The following CLVS1 variants were observed in gnomAD, a reference collection of about 807,000 sequenced individuals.
The protein encoded by CLVS1 is clavesin-1.
CLVS1 carries 10 observed loss-of-function variants against 33.1 expected under a neutral mutation model. The observed-to-expected ratio is 0.30, with a 90% CI of 0.19 to 0.51. CLVS1 has a LOEUF of 0.51. Among genes scored for constraint, CLVS1 ranks in the 20% least tolerant of loss-of-function variants. The probability of loss-of-function intolerance (pLI) is 0.97; values close to 1 mark genes in which losing one functional copy is unlikely to be tolerated. For missense variants in CLVS1, 343 were observed against 433.4 expected, an observed-to-expected ratio of 0.79 and a Z score of 1.85; for synonymous variants, 163 against 166.1, an observed-to-expected ratio of 0.98 and a Z score of 0.14.
At position 61,417,098 on chromosome 8, in the gene CLVS1, G is replaced by T. The variant is rs565842355; in HGVS notation, c.631-37043G>T. Among the ~76,000 whole-genome samples the T allele has an allele frequency of 8.5e-5, 13 of 152,296 alleles. No homozygotes were observed. The South Asian group carries it at 2.7e-3, about 32-fold the overall frequency. On this transcript the variant is annotated intron_variant, in intron 3 of 5. Coordinates refer to ENST00000325897, the MANE Select transcript of CLVS1 (RefSeq NM_173519.3). ...CATAAGGAGACAGAGAATGACAAAA[G>T]AGATGGGGAAGACAGGCAGGATGAG...
intron 5 of CLVS1, among the ~76,000 whole-genome samples, chr8:61,486,118 T>C (rs1272731758): frequency 6.6e-6 from 1 of 151,456 alleles, no homozygotes; most frequent in East Asian, 1.9e-4. Context: ...AATAAATAAA[T>C]AAATAAATAA....
At chr8:61,426,484 C>T (rs1277593766) in intron 3 of CLVS1, among the ~76,000 whole-genome samples, 1 of 152,184 alleles carries the variant, frequency 6.6e-6, no homozygotes, top group Non-Finnish European at 1.5e-5. Flanking sequence ...GTCTTCATGC[C>T]ATTTATGTAT....
chr8:61,101,775 A>G (rs1805454890), intron 1 of CLVS1, among the ~76,000 whole-genome samples: 1 of 149,768 alleles, frequency 6.7e-6, no homozygotes. Context: ...TTTTGAGTTA[A>G]CGTTTTAAAT....
intron 2 of CLVS1, among the ~76,000 whole-genome samples, chr8:61,350,813 A>T (rs1240499983): frequency 6.6e-6 from 1 of 152,112 alleles, no homozygotes; most frequent in Admixed American, 6.6e-5. Context: ...GCTCAGGGGC[A>T]TCTAGTCATT....
chr8:61,456,136 G>T (rs530466417), intron 4 of CLVS1, among the ~76,000 whole-genome samples: 1 of 152,314 alleles, frequency 6.6e-6, no homozygotes, highest in African/African-American at 2.4e-5. Context: ...CCATGCCATA[G>T]GTGGGCATTT....
chr8:61,279,245 C>T (rs1809621051), intron 2 of CLVS1, among the ~76,000 whole-genome samples: 1 of 152,186 alleles, frequency 6.6e-6, no homozygotes, highest in Non-Finnish European at 1.5e-5. Flanking sequence ...TATTTTGCAT[C>T]CCAGCTCCAG....
intron 2 of CLVS1, among the ~76,000 whole-genome samples, chr8:61,272,366 G>T (rs1018525439): frequency 6.6e-6 from 1 of 152,222 alleles, no homozygotes; most frequent in Non-Finnish European, 1.5e-5. Flanking sequence ...GAGATCCGCT[G>T]TTAGTCTGAT....
intron 1 of CLVS1, among the ~76,000 whole-genome samples, chr8:61,121,254 C>T (rs1364680766): frequency 6.6e-6 from 1 of 152,188 alleles, no homozygotes; most frequent in East Asian, 1.9e-4. Context: ...CGCGCACCCA[C>T]TGACCTGCAC....
chr8:61,027,281 G>A, the CLVS1 span, among the ~76,000 whole-genome samples: 1 of 152,042 alleles, frequency 6.6e-6, no homozygotes, highest in East Asian at 1.9e-4. Context: ...AATGGATCCT[G>A]TATTTTATGA....
At chr8:61,073,267 A>C (rs1804834432) in intron 1 of CLVS1, among the ~76,000 whole-genome samples, 3 of 152,214 alleles carry the variant, frequency 2.0e-5, no homozygotes, top group Admixed American at 2.0e-4. Flanking sequence ...TCTTACCATA[A>C]TTTCTTTGCC....
rs553076299 is a variant in CLVS1, at chr8:61,397,912, T to A, written c.630+21133T>A. Among the ~76,000 whole-genome samples, 166 of 152,290 alleles carry A rather than the reference T, an allele frequency of 1.1e-3. 1 individual carries two copies. In the South Asian group the frequency reaches 0.034, roughly 31 times the overall value. ...TGTCTTGATTATTATAGCTTTGCAA[T>A]AAGTTTCAAATCAGAAAATGTTAGT... On this transcript the variant is annotated intron_variant, in intron 3 of 5. Coordinates refer to ENST00000325897, the MANE Select transcript of CLVS1 (RefSeq NM_173519.3).
At chr8:61,017,887 C>T in the CLVS1 span, among the ~76,000 whole-genome samples, 1 of 152,216 alleles carries the variant, frequency 6.6e-6, no homozygotes, top group Non-Finnish European at 1.5e-5. Flanking sequence ...GCCTGACATT[C>T]TATGAATTAA....
At chr8:61,208,137 A>G (rs1807895280) in intron 2 of CLVS1, among the ~76,000 whole-genome samples, 1 of 152,256 alleles carries the variant, frequency 6.6e-6, no homozygotes, top group African/African-American at 2.4e-5. Flanking sequence ...AAATGCCTTC[A>G]AATATTTTAT....
chr8:61,230,991 C>A (rs1259819335), intron 2 of CLVS1, among the ~76,000 whole-genome samples: 1 of 152,156 alleles, frequency 6.6e-6, no homozygotes, highest in African/African-American at 2.4e-5. Context: ...ATGACCTAAT[C>A]ACCTCCCAGA....
At chr8:61,253,316 A>T (rs2978494) in intron 2 of CLVS1, among the ~76,000 whole-genome samples, 52,035 of 152,016 alleles carry the variant, frequency 0.34, 9,380 homozygotes, top group Admixed American at 0.39. Context: ...ACTTCCCTTT[A>T]TGGGTAACCT....
chr8:60,983,345 G>A, the CLVS1 span, among the ~76,000 whole-genome samples: 2 of 152,198 alleles, frequency 1.3e-5, no homozygotes, highest in Non-Finnish European at 2.9e-5. Context: ...TATGTTGTAT[G>A]TGTGCCAACA....
chr8:61,441,108 C>T lies in CLVS1; in HGVS notation c.631-13033C>T, dbSNP rs115231741. On this transcript the variant is annotated intron_variant, in intron 3 of 5. Coordinates refer to ENST00000325897, the MANE Select transcript of CLVS1 (RefSeq NM_173519.3). The stretch of plus-strand genomic sequence containing the variant: ...GTATTCTTAGAAGACTCTTTTGCAT[C>T]GATGAAACCCACTTATGCTGCTGAA... Among the ~76,000 whole-genome samples, 960 of 152,266 alleles carry T rather than the reference C, an allele frequency of 6.3e-3. 15 individuals carry two copies. The highest frequency in any genetic ancestry group is 0.022 in the African/African-American group (901 of 41,552).
intron 2 of CLVS1, among the ~76,000 whole-genome samples, chr8:61,360,764 C>T (rs1812940082): frequency 6.6e-6 from 1 of 152,190 alleles, no homozygotes; most frequent in Admixed American, 6.5e-5. Context: ...AACACAAGCT[C>T]TTTCACTGAT....
intron 2 of CLVS1, among the ~76,000 whole-genome samples, chr8:61,277,327 C>T (rs1219006086): frequency 6.6e-6 from 1 of 152,186 alleles, no homozygotes; most frequent in Non-Finnish European, 1.5e-5. Flanking sequence ...CACAAATTGT[C>T]CCCAAACCTG....
Sources: allele counts gnomAD v4.1 joint callset (sites outside exome capture counted in the v4.1 genomes callset), GRCh38; gene constraint gnomAD v4.1.1; transcripts MANE v1.5; gene names NCBI Gene and HGNC (gene_info 2026-07-23, HGNC 2026-07-21).